NUP93: variants seen among roughly 807,000 people sequenced by gnomAD.
NUP93 encodes the protein nuclear pore complex protein Nup93.
NUP93 carries 55 observed loss-of-function variants against 107.8 expected under a neutral mutation model. The ratio of observed to expected loss-of-function variants is 0.51; its 90% CI spans 0.41 to 0.64. The LOEUF (loss-of-function observed/expected upper bound fraction) is 0.64, where lower values mean the gene tolerates loss of function less well. NUP93 is among the 30% of genes least tolerant of loss of function. NUP93 has a pLI of 0.00. For synonymous variants in NUP93, 390 were observed against 397.5 expected, an observed-to-expected ratio of 0.98 and a Z score of 0.22; for missense variants, 937 against 1,044.7, an observed-to-expected ratio of 0.90 and a Z score of 1.42.
intron 21 of NUP93, among the ~76,000 whole-genome samples, chr16:56,842,423 T>C (rs1964043667): frequency 6.6e-6 from 1 of 152,042 alleles, no homozygotes; most frequent in Non-Finnish European, 1.5e-5. Context: ...CCTCCAGCAG[T>C]GCATGGGTCA....
intron 8 of NUP93, among the ~76,000 whole-genome samples, chr16:56,824,633 C>T (rs1197353147): frequency 2.0e-5 from 3 of 152,350 alleles, no homozygotes; most frequent in South Asian, 2.1e-4. Flanking sequence ...AGCCTCTGCA[C>T]CTGCCAGCAG....
intron 2 of NUP93, among the ~76,000 whole-genome samples, chr16:56,750,681 A>G (rs1182307890): frequency 2.6e-5 from 4 of 152,184 alleles, no homozygotes; most frequent in Non-Finnish European, 5.9e-5. Context: ...GAACACAGCC[A>G]GGCTTATTTG....
intron 1 of NUP93, among the ~76,000 whole-genome samples, chr16:56,738,415 T>A (rs1961646362): frequency 1.3e-5 from 2 of 152,260 alleles, no homozygotes; most frequent in South Asian, 4.1e-4. Context: ...GGAAAGCTGA[T>A]ACTACCCATT....
At chr16:56,755,049 G>A (rs1961994361) in intron 2 of NUP93, among the ~76,000 whole-genome samples, 1 of 152,148 alleles carries the variant, frequency 6.6e-6, no homozygotes, top group Non-Finnish European at 1.5e-5. Flanking sequence ...AATGTAAAAT[G>A]GTATAGTTGC....
intron 3 of NUP93, among the ~76,000 whole-genome samples, chr16:56,761,914 T>G (rs1426277721): frequency 6.6e-6 from 1 of 152,236 alleles, no homozygotes; most frequent in East Asian, 1.9e-4. Flanking sequence ...AAAATTGCTG[T>G]GACCACCAAA....
chr16:56,752,012 A>G (rs931448896), intron 2 of NUP93, among the ~76,000 whole-genome samples: 3 of 152,238 alleles, frequency 2.0e-5, no homozygotes, highest in Non-Finnish European at 4.4e-5. Context: ...TGCATAAGCC[A>G]CACACTGAAC....
At chr16:56,745,720 G>C (rs1320907990) in intron 1 of NUP93, among the ~76,000 whole-genome samples, 1 of 152,192 alleles carries the variant, frequency 6.6e-6, no homozygotes, top group Non-Finnish European at 1.5e-5. Context: ...GAAGGCCAAG[G>C]GGCAGGTTTT....
chr16:56,773,548 A>G (rs950078924), intron 3 of NUP93, among the ~76,000 whole-genome samples: 1 of 152,222 alleles, frequency 6.6e-6, no homozygotes, highest in Non-Finnish European at 1.5e-5. Context: ...CAACCAGAGA[A>G]AAGCCTTTTG....
chr16:56,761,182 G>C (rs1962120206), intron 3 of NUP93, among the ~76,000 whole-genome samples: 1 of 152,204 alleles, frequency 6.6e-6, no homozygotes, highest in Non-Finnish European at 1.5e-5. Context: ...ATTTAGCTTT[G>C]GCCTGATCTG....
intron 1 of NUP93, among the ~76,000 whole-genome samples, chr16:56,742,585 C>T (rs1299954755): frequency 1.3e-5 from 2 of 152,222 alleles, no homozygotes; most frequent in East Asian, 1.9e-4. Flanking sequence ...GCCTACAAAG[C>T]CCGAACTATT....
At chr16:56,835,698 G>A (rs544537335) in intron 16 of NUP93, among the ~76,000 whole-genome samples, 17 of 152,294 alleles carry the variant, frequency 1.1e-4, no homozygotes, top group African/African-American at 2.9e-4. Flanking sequence ...AGAGTCCAGC[G>A]CTAGTGGAGA....
intron 5 of NUP93, among the ~76,000 whole-genome samples, chr16:56,808,146 CT>C (rs1431363568): frequency 0.022 from 1,900 of 85,012 alleles, 90 homozygotes; most frequent in Non-Finnish European, 0.034. Context: ...ATTTATATAA[CT>C]ATATATAATA....
At chr16:56,767,160 C>T (rs764163143) in intron 3 of NUP93, among the ~76,000 whole-genome samples, 5 of 152,210 alleles carry the variant, frequency 3.3e-5, no homozygotes, top group African/African-American at 4.8e-5. Flanking sequence ...CAGTGGTGCA[C>T]GCACCACTTT....
At chr16:56,730,582 TC>T (rs1162060950) in intron 1 of NUP93, among the ~76,000 whole-genome samples, 1 of 152,106 alleles carries the variant, frequency 6.6e-6, no homozygotes, top group African/African-American at 2.4e-5. Flanking sequence ...CTGCTTACCT[TC>T]CTGACCGTGC....
intron 2 of NUP93, 129 bp from the exon 3 acceptor site, chr16:56,758,409 G>C: frequency 1.4e-6 from 1 of 702,484 alleles, no homozygotes; most frequent in East Asian, 2.5e-5. Context: ...ATGTAAAAGT[G>C]TCTGGACAGT....
At chr16:56,760,412 A>G (rs906048936) in intron 3 of NUP93, among the ~76,000 whole-genome samples, 5 of 152,204 alleles carry the variant, frequency 3.3e-5, no homozygotes, top group African/African-American at 1.2e-4. Context: ...TGGGTAATAT[A>G]TAAAGAAAGA....
chr16:56,755,104 T>G (rs1263799409), intron 2 of NUP93, among the ~76,000 whole-genome samples: 8 of 152,090 alleles, frequency 5.3e-5, no homozygotes, highest in African/African-American at 1.9e-4. Context: ...AAGCATAGGG[T>G]TATATGACCC....
chr16:56,832,202 A>C, intron 11 of NUP93, 93 bp from the exon 12 acceptor site: 1 of 1,267,054 alleles, frequency 7.9e-7, no homozygotes, highest in South Asian at 1.2e-5. Flanking sequence ...TCTAGCTGAC[A>C]TCATTGAGCA....
Position 56,834,458 on chromosome 16 carries a change from T to C in NUP93, c.1737+16T>C. 2 of 1,613,354 alleles carry C rather than the reference T, an allele frequency of 1.2e-6. No homozygotes were observed. The highest frequency in any genetic ancestry group is 1.7e-6 in the Non-Finnish European group (2 of 1,179,302). On this transcript the variant is annotated intron_variant, in intron 15 of 21. Coordinates refer to ENST00000308159, the MANE Select transcript of NUP93 (RefSeq NM_014669.5). ...AAGCCGAGAGGTGAGTGGGTTTCCT[T>C]TTCTCTCCTCCCCATGGTTTTCAGT...
Sources: allele counts gnomAD v4.1 joint callset (sites outside exome capture counted in the v4.1 genomes callset), GRCh38; gene constraint gnomAD v4.1.1; transcripts MANE v1.5; gene names NCBI Gene and HGNC (gene_info 2026-07-23, HGNC 2026-07-21).